MTUS2: variants seen among roughly 807,000 people sequenced by gnomAD.
MTUS2 encodes the protein microtubule associated scaffold protein 2, also known as microtubule-associated tumor suppressor candidate 2.
A neutral mutation model predicts 114.1 loss-of-function variants in MTUS2; 40 were observed. The ratio of observed to expected loss-of-function variants is 0.35; its 90% CI spans 0.27 to 0.46. The LOEUF is 0.46. MTUS2 is among the 20% of genes least tolerant of loss of function. The probability of loss-of-function intolerance (pLI) is 1.00; values close to 1 mark genes in which losing one functional copy is unlikely to be tolerated. For synonymous variants in MTUS2, 688 were observed against 672.0 expected (o/e 1.02, Z -0.37); for missense variants, 1,679 against 1,705.4 (o/e 0.98, Z 0.27).
chr13:29,408,477 A>T (rs1018730319), intron 8 of MTUS2, among the ~76,000 whole-genome samples: 1 of 152,072 alleles, frequency 6.6e-6, no homozygotes, highest in African/African-American at 2.4e-5. Context: ...CACCATGCTC[A>T]GCTAAATGTT....
intron 7 of MTUS2, among the ~76,000 whole-genome samples, chr13:29,358,971 A>AAAG (rs56829713): frequency 6.6e-6 from 1 of 150,756 alleles, no homozygotes; most frequent in Non-Finnish European, 1.5e-5. Context: ...AAAAAAAAAA[A>AAAG]GCTTCTCTCT....
At chr13:29,358,130 C>T (rs1398477981) in intron 7 of MTUS2, among the ~76,000 whole-genome samples, 1 of 152,112 alleles carries the variant, frequency 6.6e-6, no homozygotes, top group Non-Finnish European at 1.5e-5. Flanking sequence ...GGAGTGTAAT[C>T]TACTAGAGTG....
At chr13:29,346,042 C>A (rs538616980) in intron 7 of MTUS2, among the ~76,000 whole-genome samples, 1 of 152,314 alleles carries the variant, frequency 6.6e-6, no homozygotes, top group South Asian at 2.1e-4. Context: ...GTAACGAGCA[C>A]CTCCTCCAGT....
intron 5 of MTUS2, among the ~76,000 whole-genome samples, chr13:29,188,955 G>A (rs567764498): frequency 1.3e-5 from 2 of 152,246 alleles, no homozygotes; most frequent in South Asian, 4.1e-4. Flanking sequence ...CCCCTACACA[G>A]GTACCATAGG....
chr13:29,279,715 A>C (rs750384461), intron 5 of MTUS2, among the ~76,000 whole-genome samples: 1 of 152,210 alleles, frequency 6.6e-6, no homozygotes, highest in Non-Finnish European at 1.5e-5. Flanking sequence ...AGGGAAGTAC[A>C]TAGTTCCCTG....
At chr13:29,325,854 G>A (rs1293575949) in intron 7 of MTUS2, among the ~76,000 whole-genome samples, 1 of 152,130 alleles carries the variant, frequency 6.6e-6, no homozygotes, top group Non-Finnish European at 1.5e-5. Context: ...TCATTAATTT[G>A]CCCAAAGTCA....
chr13:28,976,563 TGTTGTGATA>T (rs1884115934), intron 2 of MTUS2, among the ~76,000 whole-genome samples: 2 of 152,146 alleles, frequency 1.3e-5, no homozygotes, highest in Non-Finnish European at 2.9e-5. Flanking sequence ...ATTATGTGGC[TGTTGTGATA>T]GTCCAGGGAG....
rs1458517080 is a variant in MTUS2, at chr13:29,179,576, A to G, written c.2644+78606A>G. Among the ~76,000 whole-genome samples, 5 of 152,328 alleles carry G rather than the reference A, an allele frequency of 3.3e-5. No individual in the cohort carries two copies. In the East Asian group the frequency reaches 9.7e-4, roughly 29 times the overall value. On this transcript the variant is annotated intron_variant, in intron 5 of 15. Coordinates refer to ENST00000612955, the MANE Select transcript of MTUS2 (RefSeq NM_001033602.4). ...CAACTAAATGTTAGACAATGATGCC[A>G]TGTGTCCTTAACAAATGGAATTTTC... is the stretch of plus-strand genomic sequence containing the variant.
At chr13:29,430,241 A>G (rs1487701821) in intron 8 of MTUS2, among the ~76,000 whole-genome samples, 1 of 152,200 alleles carries the variant, frequency 6.6e-6, no homozygotes, top group Non-Finnish European at 1.5e-5. Flanking sequence ...CTAATGCAAA[A>G]GTTTTAGAAA....
chr13:29,326,392 T>C lies in MTUS2; in HGVS notation c.2905+1681T>C, dbSNP rs142569283. On this transcript the variant is annotated intron_variant, in intron 7 of 15. Transcript: ENST00000612955. ...CACCATAAATAAGGTCCTTATATTC[T>C]AGAGAAAGAGTAAAAATAATATGTA... Among the ~76,000 whole-genome samples, 443 of 152,278 alleles carry C rather than the reference T, an allele frequency of 2.9e-3. 2 individuals carry two copies. Among genetic ancestry groups the C allele is most frequent in the African/African-American group, 0.01 (428 of 41,526 alleles).
chr13:28,966,580 C>T lies in MTUS2; in HGVS notation c.-242-57877C>T, dbSNP rs115491099. ...CTACAAAAAATTAAAAAGCAATTAG[C>T]TGGGCATAGTGGTACATGTCTGCAG... is the stretch of plus-strand genomic sequence containing the variant. On this transcript the variant is annotated intron_variant, in intron 2 of 15. Coordinates refer to ENST00000612955, the MANE Select transcript of MTUS2 (RefSeq NM_001033602.4). Among the ~76,000 whole-genome samples, 1,099 of 151,912 alleles carry T rather than the reference C, an allele frequency of 7.2e-3. 14 individuals are homozygous for T. The highest frequency in any genetic ancestry group is 0.025 in the African/African-American group (1,048 of 41,438).
chr13:29,094,509 C>T (rs747176763), intron 4 of MTUS2, among the ~76,000 whole-genome samples: 21 of 152,018 alleles, frequency 1.4e-4, no homozygotes, highest in Non-Finnish European at 2.8e-4. Context: ...CCCATATGAT[C>T]CTGCAAAATA....
At chr13:29,444,795 A>G (rs1458070602) in intron 9 of MTUS2, among the ~76,000 whole-genome samples, 3 of 152,234 alleles carry the variant, frequency 2.0e-5, no homozygotes, top group Non-Finnish European at 4.4e-5. Flanking sequence ...CAGAAAAGGA[A>G]GATGCAAAAG....
chr13:29,085,273 T>C (rs774386663), intron 4 of MTUS2, among the ~76,000 whole-genome samples: 2 of 152,190 alleles, frequency 1.3e-5, no homozygotes, highest in Non-Finnish European at 2.9e-5. Context: ...TAGTAACTGT[T>C]ATTTATTTTA....
intron 7 of MTUS2, among the ~76,000 whole-genome samples, chr13:29,349,988 A>C (rs1869085067): frequency 6.6e-6 from 1 of 152,112 alleles, no homozygotes; most frequent in African/African-American, 2.4e-5. Context: ...GACTCTAATT[A>C]CACATTTATT....
intron 5 of MTUS2, among the ~76,000 whole-genome samples, chr13:29,230,311 A>G (rs1460001157): frequency 6.6e-6 from 1 of 152,252 alleles, no homozygotes; most frequent in Non-Finnish European, 1.5e-5. Flanking sequence ...AACAAGGACC[A>G]TTAAATAACT....
intron 6 of MTUS2, among the ~76,000 whole-genome samples, chr13:29,288,075 A>G (rs1404533947): frequency 1.3e-5 from 2 of 152,246 alleles, no homozygotes; most frequent in Non-Finnish European, 2.9e-5. Flanking sequence ...GAGGAAAGAC[A>G]GTAAATCTAG....
intron 2 of MTUS2, among the ~76,000 whole-genome samples, chr13:28,915,014 C>T (rs987196061): frequency 6.6e-5 from 10 of 151,848 alleles, no homozygotes; most frequent in African/African-American, 2.2e-4. Flanking sequence ...CTCTTGAAGA[C>T]AGGATACCAA....
chr13:29,259,163 C>T (rs969862828), intron 5 of MTUS2, among the ~76,000 whole-genome samples: 1 of 152,112 alleles, frequency 6.6e-6, no homozygotes, highest in Non-Finnish European at 1.5e-5. Flanking sequence ...AGGGTGGGGG[C>T]GGAGAGTGGA....
Sources: gnomAD v4.1 joint callset for allele counts (sites outside exome capture counted in the v4.1 genomes callset) on GRCh38, gnomAD v4.1.1 for gene constraint, MANE v1.5 for transcripts, NCBI Gene and HGNC (gene_info 2026-07-23, HGNC 2026-07-21) for gene names.